Variants in BHLHA9 observed in about 807,000 individuals in gnomAD.
The protein encoded by BHLHA9 is class A basic helix-loop-helix protein 9.
For synonymous variants in BHLHA9, 177 were observed against 179.7 expected (o/e 0.98, Z 0.12); for missense variants, 344 against 365.9 (o/e 0.94, Z 0.49).
rs1241680951 is a variant in BHLHA9 at position 1,270,799 on chromosome 17, T to G, written c.236T>G (p.Leu79Arg). 6.8e-7 allele frequency: 1 copy of G among 1,474,834 alleles called. No individual in the cohort carries two copies. The highest frequency in any genetic ancestry group is 3.0e-5 in the East Asian group (1 of 33,484). The allele number at this position is 1,474,834 out of a possible 1,614,324, so 91.4% of individuals were successfully genotyped here. The change falls in exon 1 of 1, where the codon CTA becomes CGA. Residue 79 changes from leucine to arginine, a missense_variant. Transcript: ENST00000391429. ...AACGTGCGGGAGCGCAAGCGCATCC[T>G]AGACTACAACGAGGCCTTCAACGCG... ...AANVRERKRI[L>R]DYNEAFNALR... is the part of the protein sequence containing the mutation.
chr17:1,271,348 G>A lies in BHLHA9; in HGVS notation c.*77G>A, dbSNP rs1011400269. On this transcript the variant is annotated 3_prime_UTR_variant, in exon 1 of 1. Transcript: ENST00000391429. ...CTATAAAACCCGGGACTGCAAAGGC[G>A]TCTTGGACAGAGCAGAACTGGACCG... The A allele has an allele frequency of 1.4e-4, 143 of 1,000,552 alleles. 1 individual carries two copies. Among genetic ancestry groups the A allele is most frequent in the Non-Finnish European group, 1.8e-4 (136 of 764,474 alleles). The allele number at this position is 1,000,552 out of a possible 1,614,324, so 62.0% of individuals were successfully genotyped here.
At position 1,270,595 on chromosome 17, in the gene BHLHA9, C is replaced by A. The variant is rs572011688; in HGVS notation, c.32C>A (p.Thr11Lys). The change falls in exon 1 of 1, where the codon ACG (threonine) becomes AAG (lysine). Residue 11 changes from threonine (T) to lysine (K), a missense_variant. Thr to Lys is a moderately conservative substitution (Grantham distance 78). Coordinates refer to ENST00000391429, the MANE Select transcript of BHLHA9 (RefSeq NM_001164405.2). MLRGAPGLGL[T>K]ARKGAEDSAE... ...CGGGGCGCGCCAGGACTAGGCCTCA[C>A]GGCGCGGAAGGGGGCCGAGGACTCT... 2.7e-5 allele frequency: 34 copies of A among 1,282,104 alleles called. No homozygotes were observed. The highest frequency in any genetic ancestry group is 3.2e-5 in the Non-Finnish European group (33 of 1,019,752). The allele number at this position is 1,282,104 out of a possible 1,614,324, so 79.4% of individuals were successfully genotyped here.
In BHLHA9 at chr17:1,270,811, AG is replaced by A. The variant is rs1017676966; in HGVS notation, c.250del (p.Ala84ProfsTer114). On this transcript the variant is annotated frameshift_variant, in exon 1 of 1. Transcript: ENST00000391429. LOFTEE classifies it low-confidence loss of function (END_TRUNC). ...CGCAAGCGCATCCTAGACTACAACG[AG>A]GCCTTCAACGCGCTGCGCCGGGCGC... is the stretch of plus-strand genomic sequence containing the variant. ...RERKRILDYNEAFNALRRALR... is the reference protein window; with the variant it reads ...RERKRILDYNXAFNALRRALR... The A allele has an allele frequency of 6.8e-7, 1 of 1,476,110 alleles. No individual in the cohort carries two copies. The highest frequency in any genetic ancestry group is 1.5e-5 in the African/African-American group (1 of 68,240). The allele number at this position is 1,476,110 out of a possible 1,614,324, so 91.4% of individuals were successfully genotyped here.
At position 1,271,081 on chromosome 17, in the gene BHLHA9, C is replaced by A. The variant is rs1373273329; in HGVS notation, c.518C>A (p.Ala173Glu). 3.3e-6 allele frequency: 4 copies of A among 1,218,196 alleles called. No homozygotes were observed. The highest frequency in any genetic ancestry group is 6.8e-5 in the East Asian group (2 of 29,198). The allele number at this position is 1,218,196 out of a possible 1,614,324, so 75.5% of individuals were successfully genotyped here. Residue 173 changes from alanine (A) to glutamate (E), a missense_variant, in exon 1 of 1, where the codon GCG becomes GAG. Physicochemically the swap from Ala to Glu is moderately radical, Grantham distance 107. Coordinates refer to ENST00000391429, the MANE Select transcript of BHLHA9 (RefSeq NM_001164405.2). ...GCCGCCCGCCCCTCGGTGCCGTCCG[C>A]GCCCCGCTGCGCCTCGTGCCCCCCG... Reference protein sequence around the residue: ...PDAARPSVPSAPRCASCPPHA... With the variant: ...PDAARPSVPSEPRCASCPPHA...
chr17:1,270,910 C>T lies in BHLHA9; in HGVS notation c.347C>T (p.Ala116Val), dbSNP rs1472735631. ...TLRRAIHRIA[A>V]LSLVLRASPA... Reference sequence around the variant, plus strand: ...CGCAGGGCCATCCACCGCATCGCCGCGCTCTCCCTGGTCCTGCGCGCCAGC... The same window carrying T: ...CGCAGGGCCATCCACCGCATCGCCGTGCTCTCCCTGGTCCTGCGCGCCAGC... The change falls in exon 1 of 1, where the codon GCG (alanine) becomes GTG (valine). Residue 116 changes from alanine to valine, a missense_variant. Ala to Val is a moderately conservative substitution (Grantham distance 64, BLOSUM62 0). Coordinates refer to ENST00000391429, the MANE Select transcript of BHLHA9 (RefSeq NM_001164405.2). The T allele has an allele frequency of 7.0e-7, 1 of 1,422,598 alleles. No individual in the cohort carries two copies. The highest frequency in any genetic ancestry group is 9.2e-7 in the Non-Finnish European group (1 of 1,089,488). 88.1% of individuals were successfully genotyped at this position (1,422,598 alleles called of 1,614,324 possible).
chr17:1,270,694 G>A lies in BHLHA9; in HGVS notation c.131G>A (p.Cys44Tyr). 1 of 1,326,392 alleles carries A rather than the reference G, an allele frequency of 7.5e-7. No individual in the cohort carries two copies. The highest frequency in any genetic ancestry group is 9.5e-7 in the Non-Finnish European group (1 of 1,047,392). The allele number at this position is 1,326,392 out of a possible 1,614,324, so 82.2% of individuals were successfully genotyped here. A position where few individuals can be genotyped will look rare whatever the true frequency, so the allele number is the denominator to read the frequency against. Residue 44 changes from cysteine (C) to tyrosine (Y), a missense_variant, in exon 1 of 1, where the codon TGC becomes TAC. Coordinates refer to ENST00000391429, the MANE Select transcript of BHLHA9 (RefSeq NM_001164405.2). ...SGVLGANGAS[C>Y]SRGEAEEPAG... ...GTGCTGGGGGCGAACGGCGCTTCCT[G>A]CAGCCGGGGCGAGGCGGAGGAGCCG...
At position 1,270,903 on chromosome 17, in the gene BHLHA9, A is replaced by G. The variant is rs982167104; in HGVS notation, c.340A>G (p.Ile114Val). ...CACGCTGCGCAGGGCCATCCACCGC[A>G]TCGCCGCGCTCTCCCTGGTCCTGCG... is the stretch of plus-strand genomic sequence containing the variant. ...IATLRRAIHRIAALSLVLRAS... is the reference protein window; with the variant it reads ...IATLRRAIHRVAALSLVLRAS... Residue 114 changes from isoleucine (I) to valine (V), a missense_variant, in exon 1 of 1, where the codon ATC becomes GTC. By Grantham distance (29) the Ile-to-Val change is conservative. Coordinates refer to ENST00000391429, the MANE Select transcript of BHLHA9 (RefSeq NM_001164405.2). 6 of 1,429,146 alleles carry G rather than the reference A, an allele frequency of 4.2e-6. No individual in the cohort carries two copies. The highest frequency in any genetic ancestry group is 5.5e-6 in the Non-Finnish European group (6 of 1,093,024). 88.5% of individuals were successfully genotyped at this position (1,429,146 alleles called of 1,614,324 possible).
rs2071873185 is a variant in BHLHA9 at position 1,270,490 on chromosome 17, G to A, written c.-74G>A. 7.9e-6 allele frequency: 7 copies of A among 890,544 alleles called. No homozygotes were observed. Among genetic ancestry groups the A allele is most frequent in the Non-Finnish European group, 1.0e-5 (7 of 673,700 alleles). 55.2% of individuals were successfully genotyped at this position (890,544 alleles called of 1,614,324 possible). ...CCGGGGACCGTCCGCGTCGCGAGCC[G>A]GGCCAAGGCAGTGGGCAGAGGGCAG... On this transcript the variant is annotated 5_prime_UTR_variant, in exon 1 of 1. Transcript: ENST00000391429.
chr17:1,270,477 C>G lies in BHLHA9; in HGVS notation c.-87C>G. ...CCAGCCCCAGGAGCCGGGGACCGTC[C>G]GCGTCGCGAGCCGGGCCAAGGCAGT... On this transcript the variant is annotated 5_prime_UTR_variant, in exon 1 of 1. Transcript: ENST00000391429. 1 of 750,340 alleles carries G rather than the reference C, an allele frequency of 1.3e-6. No homozygotes were observed. The highest frequency in any genetic ancestry group is 1.8e-6 in the Non-Finnish European group (1 of 546,242). 46.5% of individuals were successfully genotyped at this position (750,340 alleles called of 1,614,324 possible). A position where few individuals can be genotyped will look rare whatever the true frequency, so the allele number is the denominator to read the frequency against.
Position 1,270,726 on chromosome 17 carries a change from A to C in BHLHA9, c.163A>C (p.Arg55=). Residue 55 remains arginine, a synonymous_variant, in exon 1 of 1, where the codon AGG becomes CGG. Transcript: ENST00000391429. ...SRGEAEEPAG[R]RRARPVRSKA... ...GGGCGAGGCGGAGGAGCCGGCGGGC[A>C]GGAGGCGCGCGCGGCCGGTGCGGTC... 13 of 1,353,898 alleles carry C rather than the reference A, an allele frequency of 9.6e-6. No homozygotes were observed. Among genetic ancestry groups the C allele is most frequent in the Non-Finnish European group, 1.2e-5 (13 of 1,061,938 alleles). The allele number at this position is 1,353,898 out of a possible 1,614,324, so 83.9% of individuals were successfully genotyped here.
chr17:1,271,125 CCCAGTGCG>C lies in BHLHA9; in HGVS notation c.563_570del (p.Pro188ArgfsTer82), dbSNP rs2071880606. 1 of 1,233,416 alleles carries C rather than the reference CCCAGTGCG, an allele frequency of 8.1e-7. No homozygotes were observed. The highest frequency in any genetic ancestry group is 1.6e-5 in the African/African-American group (1 of 64,010). The allele number at this position is 1,233,416 out of a possible 1,614,324, so 76.4% of individuals were successfully genotyped here. A position where few individuals can be genotyped will look rare whatever the true frequency, so the allele number is the denominator to read the frequency against. ...CCCCCCGCACGCGCCCCTGGCACGGCCCAGTGCGGTGGCCGAGGGGCCGGGCCTAGCAC... is the reference window on the plus strand; with the variant it reads ...CCCCCCGCACGCGCCCCTGGCACGGCGTGGCCGAGGGGCCGGGCCTAGCAC... On this transcript the variant is annotated frameshift_variant, in exon 1 of 1. Coordinates refer to ENST00000391429, the MANE Select transcript of BHLHA9 (RefSeq NM_001164405.2). LOFTEE classifies it low-confidence loss of function (END_TRUNC).
rs2071873233 is a variant in BHLHA9 at position 1,270,494 on chromosome 17, CAAGGCAGTGGGCAG to C, written c.-68_-55del. The C allele has an allele frequency of 3.2e-6, 3 of 927,538 alleles. No homozygotes were observed. The East Asian group carries it at 1.0e-4, about 31-fold the overall frequency. 57.5% of individuals were successfully genotyped at this position (927,538 alleles called of 1,614,324 possible). ...GGACCGTCCGCGTCGCGAGCCGGGC[CAAGGCAGTGGGCAG>C]AGGGCAGAGGGCAGAGGGCCGGGGC... On this transcript the variant is annotated 5_prime_UTR_variant, in exon 1 of 1. Transcript: ENST00000391429.
rs955850977 is a variant in BHLHA9, at chr17:1,270,607, G to C, written c.44G>C (p.Gly15Ala). The change falls in exon 1 of 1, where the codon GGG (glycine) becomes GCG (alanine). Residue 15 changes from glycine to alanine, a missense_variant. Transcript: ENST00000391429. ...APGLGLTARKGAEDSAEDLGG... is the reference protein window; with the variant it reads ...APGLGLTARKAAEDSAEDLGG... ...GGACTAGGCCTCACGGCGCGGAAGGGGGCCGAGGACTCTGCGGAGGACTTG... is the reference window on the plus strand; with the variant it reads ...GGACTAGGCCTCACGGCGCGGAAGGCGGCCGAGGACTCTGCGGAGGACTTG... The C allele has an allele frequency of 1.9e-5, 24 of 1,286,928 alleles. No homozygotes were observed. Among genetic ancestry groups the C allele is most frequent in the Non-Finnish European group, 2.2e-5 (22 of 1,022,592 alleles). The allele number at this position is 1,286,928 out of a possible 1,614,324, so 79.7% of individuals were successfully genotyped here. A position where few individuals can be genotyped will look rare whatever the true frequency, so the allele number is the denominator to read the frequency against.
Position 1,271,015 on chromosome 17 carries a change from G to GC in BHLHA9, c.458dup (p.Pro154AlafsTer119), listed in dbSNP as rs2071879182. On this transcript the variant is annotated frameshift_variant, in exon 1 of 1. Coordinates refer to ENST00000391429, the MANE Select transcript of BHLHA9 (RefSeq NM_001164405.2). LOFTEE classifies it low-confidence loss of function (END_TRUNC). Reference sequence around the variant, plus strand: ...GGGGACACCGGGGACACAGGCGCCAGCCCCCCGCCGCCTGCAGGGCCCAGC... The same window carrying GC: ...GGGGACACCGGGGACACAGGCGCCAGCCCCCCCGCCGCCTGCAGGGCCCAGC... The GC allele has an allele frequency of 4.5e-5, 54 of 1,196,982 alleles. 1 individual carries two copies. In the South Asian group the frequency reaches 1.9e-3, roughly 42 times the overall value. 74.1% of individuals were successfully genotyped at this position (1,196,982 alleles called of 1,614,324 possible). A position where few individuals can be genotyped will look rare whatever the true frequency, so the allele number is the denominator to read the frequency against.
chr17:1,270,630 T>G lies in BHLHA9; in HGVS notation c.67T>G (p.Leu23Val). 2 of 1,299,976 alleles carry G rather than the reference T, an allele frequency of 1.5e-6. No individual in the cohort carries two copies. The highest frequency in any genetic ancestry group is 5.0e-5 in the South Asian group (2 of 39,890). 80.5% of individuals were successfully genotyped at this position (1,299,976 alleles called of 1,614,324 possible). A position where few individuals can be genotyped will look rare whatever the true frequency, so the allele number is the denominator to read the frequency against. ...RKGAEDSAED[L>V]GGPCPEPGGD... ...GGGGGCCGAGGACTCTGCGGAGGACTTGGGGGGCCCCTGCCCCGAGCCCGG... is the reference window on the plus strand; with the variant it reads ...GGGGGCCGAGGACTCTGCGGAGGACGTGGGGGGCCCCTGCCCCGAGCCCGG... Residue 23 changes from leucine (L) to valine (V), a missense_variant, in exon 1 of 1, where the codon TTG (leucine) becomes GTG (valine). Physicochemically the swap from Leu to Val is conservative, Grantham distance 32 (BLOSUM62 1). Transcript: ENST00000391429.
In BHLHA9 at chr17:1,271,314, G is replaced by T; in HGVS notation, c.*43G>T. The T allele has an allele frequency of 1.7e-6, 2 of 1,204,830 alleles. No homozygotes were observed. The highest frequency in any genetic ancestry group is 2.1e-6 in the Non-Finnish European group (2 of 949,908). The allele number at this position is 1,204,830 out of a possible 1,614,324, so 74.6% of individuals were successfully genotyped here. On this transcript the variant is annotated 3_prime_UTR_variant, in exon 1 of 1. Transcript: ENST00000391429. ...GCTGGGCTGCAGGGAGGCCGGGCTG[G>T]CAGCTGGACTATAAAACCCGGGACT... is the stretch of plus-strand genomic sequence containing the variant.
chr17:1,271,070 G>C lies in BHLHA9; in HGVS notation c.507G>C (p.Ser169=). ...SLARPDAARP[S]VPSAPRCASC... ...CGCGCCCAGACGCCGCCCGCCCCTC[G>C]GTGCCGTCCGCGCCCCGCTGCGCCT... is the stretch of plus-strand genomic sequence containing the variant. The change falls in exon 1 of 1, where the codon TCG becomes TCC. Residue 169 remains serine, a synonymous_variant. Transcript: ENST00000391429. 1 of 1,205,592 alleles carries C rather than the reference G, an allele frequency of 8.3e-7. No homozygotes were observed. Among genetic ancestry groups the C allele is most frequent in the Non-Finnish European group, 1.0e-6 (1 of 974,046 alleles). The allele number at this position is 1,205,592 out of a possible 1,614,324, so 74.7% of individuals were successfully genotyped here. A position where few individuals can be genotyped will look rare whatever the true frequency, so the allele number is the denominator to read the frequency against.
chr17:1,270,872 G>A lies in BHLHA9; in HGVS notation c.309G>A (p.Lys103=). Residue 103 remains lysine (K), a synonymous_variant, in exon 1 of 1, where the codon AAG becomes AAA. Coordinates refer to ENST00000391429, the MANE Select transcript of BHLHA9 (RefSeq NM_001164405.2). ...ACCTGGGCGGCAAGAGGCTCTCCAA[G>A]ATCGCCACGCTGCGCAGGGCCATCC... The part of the protein sequence containing the change: ...RHDLGGKRLS[K]IATLRRAIHR... 6.8e-7 allele frequency: 1 copy of A among 1,474,758 alleles called. No homozygotes were observed. Among genetic ancestry groups the A allele is most frequent in the East Asian group, 3.0e-5 (1 of 33,470 alleles). The allele number at this position is 1,474,758 out of a possible 1,614,324, so 91.4% of individuals were successfully genotyped here. A position where few individuals can be genotyped will look rare whatever the true frequency, so the allele number is the denominator to read the frequency against.
In BHLHA9 at chr17:1,270,933, A is replaced by AGCCCCGC. The variant is rs1448464139; in HGVS notation, c.379_385dup (p.Gly129AlafsTer146). On this transcript the variant is annotated frameshift_variant, in exon 1 of 1. Coordinates refer to ENST00000391429, the MANE Select transcript of BHLHA9 (RefSeq NM_001164405.2). LOFTEE classifies it low-confidence loss of function (END_TRUNC). ...CGCGCTCTCCCTGGTCCTGCGCGCC[A>AGCCCCGC]GCCCCGCGCCCCGCGGGCCCTGCGG... 3 of 1,320,148 alleles carry AGCCCCGC rather than the reference A, an allele frequency of 2.3e-6. No individual in the cohort carries two copies. The highest frequency in any genetic ancestry group is 2.9e-6 in the Non-Finnish European group (3 of 1,037,246). 81.8% of individuals were successfully genotyped at this position (1,320,148 alleles called of 1,614,324 possible).
Sources: allele counts gnomAD v4.1 joint callset, GRCh38; gene constraint gnomAD v4.1.1; transcripts MANE v1.5; gene names NCBI Gene and HGNC (gene_info 2026-07-23, HGNC 2026-07-21).